ABI1: variants seen among roughly 807,000 people sequenced by gnomAD.
The protein encoded by ABI1 is Abelson interactor 1.
Under a neutral mutation model 54.6 loss-of-function variants are expected in ABI1, and 14 were observed. That is an observed-to-expected ratio of 0.26 (90% CI 0.17 to 0.40). ABI1 has a LOEUF of 0.40. Ranked by LOEUF, ABI1 falls within the 10% of genes least tolerant of loss-of-function variation. The pLI, the probability that ABI1 is intolerant of heterozygous loss-of-function variation, is 1.00. For synonymous variants in ABI1, 194 were observed against 209.3 expected, an observed-to-expected ratio of 0.93 and a Z score of 0.63; for missense variants, 443 against 598.3, an observed-to-expected ratio of 0.74 and a Z score of 2.71.
chr10:26,756,811 G>T (rs1838376882), intron 8 of ABI1, among the ~76,000 whole-genome samples: 1 of 152,108 alleles, frequency 6.6e-6, no homozygotes, highest in Non-Finnish European at 1.5e-5. Flanking sequence ...GGTTACCAAG[G>T]ATTAATCAAA....
chr10:26,854,417 T>G (rs2050651355), intron 1 of ABI1, among the ~76,000 whole-genome samples: 1 of 148,130 alleles, frequency 6.8e-6, no homozygotes, highest in Non-Finnish European at 1.5e-5. Context: ...TCATAAGAAC[T>G]GATATGCTGG....
chr10:26,797,953 C>T (rs983067691), intron 2 of ABI1, among the ~76,000 whole-genome samples: 1 of 152,060 alleles, frequency 6.6e-6, no homozygotes, highest in Non-Finnish European at 1.5e-5. Context: ...AGCAATATGG[C>T]ACATTAGATA....
At chr10:26,763,267 T>C (rs1246796736) in intron 7 of ABI1, among the ~76,000 whole-genome samples, 5 of 152,230 alleles carry the variant, frequency 3.3e-5, no homozygotes, top group Non-Finnish European at 7.3e-5. Flanking sequence ...ATTACTGTGA[T>C]TGTGTATTTC....
chr10:26,784,491 G>A (rs1375932463), intron 2 of ABI1, among the ~76,000 whole-genome samples: 1 of 150,354 alleles, frequency 6.7e-6, no homozygotes, highest in Admixed American at 6.6e-5. Flanking sequence ...GGCCACATTG[G>A]AGAAACTGTC....
intron 2 of ABI1, among the ~76,000 whole-genome samples, chr10:26,810,459 G>C (rs150855646): frequency 4.6e-5 from 7 of 152,122 alleles, no homozygotes; most frequent in Non-Finnish European, 1.0e-4. Context: ...TAAATCCCAT[G>C]AACACTTTTT....
chr10:26,760,287 GC>G (rs1838960898), intron 7 of ABI1, among the ~76,000 whole-genome samples: 2 of 151,908 alleles, frequency 1.3e-5, no homozygotes, highest in African/African-American at 4.8e-5. Context: ...TATTTTCCTT[GC>G]CCCATCTAAA....
intron 2 of ABI1, among the ~76,000 whole-genome samples, chr10:26,810,568 T>C (rs117045358): frequency 0.014 from 2,118 of 152,342 alleles, 17 homozygotes; most frequent in Non-Finnish European, 0.02. Context: ...GCAGGCCATA[T>C]GGCTTCTGTC....
rs1168084645 is a variant in ABI1, at chr10:26,811,768, AATTTGTATAAATTTATGCAAAG to A, written c.285+11348_285+11369del. Among the ~76,000 whole-genome samples the A allele has an allele frequency of 0.019, 325 of 17,242 alleles. 15 individuals are homozygous for A. The East Asian group carries it at 0.35, about 18-fold the overall frequency. The allele number at this position is 17,242 out of a possible 152,430, so 11.3% of individuals were successfully genotyped here. A position where few individuals can be genotyped will look rare whatever the true frequency, so the allele number is the denominator to read the frequency against. The stretch of plus-strand genomic sequence containing the variant: ...ATAAATTTATGCAAAGATTTGTATA[AATTTGTATAAATTTATGCAAAG>A]ATTTGTATAAATTTATGCAAAGATT... On this transcript the variant is annotated intron_variant, in intron 2 of 10. Coordinates refer to ENST00000376140, the MANE Select transcript of ABI1 (RefSeq NM_001012750.3).
At chr10:26,759,463 ATAAG>A (rs747437020) in intron 7 of ABI1, among the ~76,000 whole-genome samples, 5 of 152,220 alleles carry the variant, frequency 3.3e-5, no homozygotes, top group Non-Finnish European at 5.9e-5. Flanking sequence ...GCAAAAGTAA[ATAAG>A]TAATATTCTC....
intron 2 of ABI1, among the ~76,000 whole-genome samples, chr10:26,799,738 CA>C (rs1467257884): frequency 1.3e-5 from 2 of 152,096 alleles, no homozygotes; most frequent in Non-Finnish European, 2.9e-5. Context: ...GTACCATTTG[CA>C]ATTCAAAACC....
chr10:26,860,003 A>T lies in ABI1; in HGVS notation c.117+744T>A, dbSNP rs1056815121. ...AAAACGATGAGAGGGGGAAAAAAAT[A>T]AAAAAAACCCGACTTGAAAATGGAC... is the stretch of plus-strand genomic sequence containing the variant. On this transcript the variant is annotated intron_variant, in intron 1 of 10. Transcript: ENST00000376140. The surrounding 1 kb of genome is among the most constrained non-coding windows in gnomAD (Gnocchi z 4.1). Among the ~76,000 whole-genome samples, 6 of 145,192 alleles carry T rather than the reference A, an allele frequency of 4.1e-5. No homozygotes were observed. Among genetic ancestry groups the T allele is most frequent in the South Asian group, 6.4e-4 (2 of 3,134 alleles).
chr10:26,809,647 CAAT>C (rs1287698670), intron 2 of ABI1, among the ~76,000 whole-genome samples: 2 of 152,062 alleles, frequency 1.3e-5, no homozygotes, highest in Non-Finnish European at 2.9e-5. Flanking sequence ...ATATTAGAAT[CAAT>C]ATATAAGCCT....
intron 2 of ABI1, among the ~76,000 whole-genome samples, chr10:26,777,914 C>T (rs1243606508): frequency 6.6e-6 from 1 of 152,036 alleles, no homozygotes; most frequent in Non-Finnish European, 1.5e-5. Flanking sequence ...GAGGCAAGTG[C>T]TATAATGACA....
At position 26,755,651 on chromosome 10, in the gene ABI1, T is replaced by TTA; in HGVS notation, c.1084+2_1084+3dup. The TTA allele has an allele frequency of 6.2e-7, 1 of 1,610,100 alleles. No homozygotes were observed. The highest frequency in any genetic ancestry group is 8.5e-7 in the Non-Finnish European group (1 of 1,176,562). The stretch of plus-strand genomic sequence containing the variant: ...CTTCCATAGCTCAGTTTTTCCAAAC[T>TTA]TACTGTTTTCCTGCACCCTGGCCAC... On this transcript the variant is annotated splice_donor_region_variant and intron_variant, in intron 9 of 10. Coordinates refer to ENST00000376140, the MANE Select transcript of ABI1 (RefSeq NM_001012750.3).
chr10:26,827,232 T>C (rs1241948662), intron 1 of ABI1, among the ~76,000 whole-genome samples: 1 of 146,404 alleles, frequency 6.8e-6, no homozygotes, highest in Non-Finnish European at 1.5e-5. Context: ...CTTCTTTTTT[T>C]TTATCTCGAG....
At chr10:26,806,342 T>C (rs1368720889) in intron 2 of ABI1, among the ~76,000 whole-genome samples, 4 of 151,112 alleles carry the variant, frequency 2.6e-5, no homozygotes, top group Admixed American at 1.3e-4. Context: ...ATTACCACTT[T>C]ACATTTCCTA....
intron 1 of ABI1, chr10:26,839,870 G>A: frequency 1.5e-6 from 1 of 668,408 alleles, no homozygotes. Context: ...CGTGCCTGTA[G>A]TCCCAACAAC....
At chr10:26,755,791 A>C in intron 8 of ABI1, 50 bp from the exon 9 acceptor site, 1 of 1,324,444 alleles carries the variant, frequency 7.6e-7, no homozygotes, top group Non-Finnish European at 1.1e-6. Flanking sequence ...AAAGGAAAGA[A>C]AAGGAAACAA....
At chr10:26,838,320 C>A (rs1488742566) in intron 1 of ABI1, among the ~76,000 whole-genome samples, 1 of 152,144 alleles carries the variant, frequency 6.6e-6, no homozygotes, top group Non-Finnish European at 1.5e-5. Flanking sequence ...CCGCACCCGG[C>A]CAACTCTTAA....
Sources: allele counts gnomAD v4.1 joint callset (sites outside exome capture counted in the v4.1 genomes callset), GRCh38; gene constraint gnomAD v4.1.1; non-coding constraint Gnocchi (gnomAD v3.1); transcripts MANE v1.5; gene names NCBI Gene and HGNC (gene_info 2026-07-23, HGNC 2026-07-21).